Variants in ZNF385D observed in about 807,000 individuals in gnomAD.
The protein encoded by ZNF385D is zinc finger protein 385D.
In ZNF385D, 15 loss-of-function variants were observed where a neutral mutation model predicts 35.8. The observed-to-expected ratio is 0.42, with a 90% CI of 0.28 to 0.64. The LOEUF is 0.64. Among genes scored for constraint, ZNF385D ranks in the 30% least tolerant of loss-of-function variants. The pLI, the probability that ZNF385D is intolerant of heterozygous loss-of-function variation, is 0.23. For missense variants in ZNF385D, 474 were observed against 494.6 expected (o/e 0.96, Z 0.39); for synonymous variants, 212 against 186.8 (o/e 1.13, Z -1.10).
chr3:22,167,725 G>T (rs1392430032), intron 3 of ZNF385D, among the ~76,000 whole-genome samples: 1 of 152,158 alleles, frequency 6.6e-6, no homozygotes, highest in South Asian at 2.1e-4. Context: ...GAAATGTCCT[G>T]TGTCACTAGG....
At chr3:22,039,456 C>T (rs1698533845) in intron 3 of ZNF385D, among the ~76,000 whole-genome samples, 1 of 152,046 alleles carries the variant, frequency 6.6e-6, no homozygotes, top group South Asian at 2.1e-4. Context: ...ATCTTCCTGT[C>T]TCCAGTCTAC....
chr3:22,191,724 T>C (rs1374788454), intron 2 of ZNF385D, among the ~76,000 whole-genome samples: 1 of 152,122 alleles, frequency 6.6e-6, no homozygotes, highest in African/African-American at 2.4e-5. Flanking sequence ...CAGTAATTAA[T>C]GAATAAATGG....
chr3:21,959,276 T>C (rs1485147377), intron 3 of ZNF385D, among the ~76,000 whole-genome samples: 1 of 152,042 alleles, frequency 6.6e-6, no homozygotes, highest in East Asian at 1.9e-4. Context: ...ACACTTCAAA[T>C]AATAAGGCAA....
At chr3:21,783,489 G>T (rs775615893) in intron 3 of ZNF385D, among the ~76,000 whole-genome samples, 4 of 152,006 alleles carry the variant, frequency 2.6e-5, no homozygotes, top group Non-Finnish European at 5.9e-5. Flanking sequence ...TTTTTGGAGA[G>T]ACCTTATTTT....
chr3:22,195,181 G>A (rs1696327063), intron 2 of ZNF385D, among the ~76,000 whole-genome samples: 1 of 151,742 alleles, frequency 6.6e-6, no homozygotes. Flanking sequence ...GGTTTCTAGT[G>A]GAATCACACC....
chr3:22,209,890 A>G (rs951250528), intron 2 of ZNF385D, among the ~76,000 whole-genome samples: 1 of 151,894 alleles, frequency 6.6e-6, no homozygotes, highest in African/African-American at 2.4e-5. Flanking sequence ...ATAAGCATAA[A>G]TATTAATTCT....
At chr3:21,768,966 G>C (rs2070956169) in intron 3 of ZNF385D, among the ~76,000 whole-genome samples, 1 of 151,996 alleles carries the variant, frequency 6.6e-6, no homozygotes, top group Non-Finnish European at 1.5e-5. Flanking sequence ...GAAAGTCACA[G>C]GCTCAGGAAA....
chr3:21,511,847 G>A (rs1390082624), intron 3 of ZNF385D: 3 of 452,568 alleles, frequency 6.6e-6, no homozygotes, highest in Admixed American at 4.8e-5. Context: ...TGGGGGAGCG[G>A]TATAGTGAAA....
chr3:21,716,459 ACC>A (rs2068322293), intron 1 of ZNF385D, among the ~76,000 whole-genome samples: 1 of 151,800 alleles, frequency 6.6e-6, no homozygotes, highest in Non-Finnish European at 1.5e-5. Context: ...ATGTCCCTCC[ACC>A]CATGCTGGCC....
At chr3:22,295,941 C>T (rs1055149494) in intron 2 of ZNF385D, among the ~76,000 whole-genome samples, 5 of 151,886 alleles carry the variant, frequency 3.3e-5, no homozygotes, top group Admixed American at 1.3e-4. Flanking sequence ...AGGAGAAAGT[C>T]GACAAGAATA....
chr3:21,611,261 G>A (rs2064668505), intron 2 of ZNF385D, among the ~76,000 whole-genome samples: 1 of 152,184 alleles, frequency 6.6e-6, no homozygotes, highest in South Asian at 2.1e-4. Flanking sequence ...CCTACCATCT[G>A]TCTGCCACAG....
intron 2 of ZNF385D, among the ~76,000 whole-genome samples, chr3:22,289,446 C>A (rs923388918): frequency 2.0e-5 from 3 of 152,304 alleles, no homozygotes; most frequent in Non-Finnish European, 4.4e-5. Context: ...TAACCAAAAT[C>A]TCATTCAGTC....
chr3:21,937,232 T>C (rs1432392192), intron 3 of ZNF385D, among the ~76,000 whole-genome samples: 2 of 152,072 alleles, frequency 1.3e-5, no homozygotes, highest in East Asian at 3.9e-4. Context: ...AATGTAAGCC[T>C]TAAAAAAATA....
At chr3:21,938,297 G>A (rs1294473458) in intron 3 of ZNF385D, among the ~76,000 whole-genome samples, 1 of 152,166 alleles carries the variant, frequency 6.6e-6, no homozygotes, top group Non-Finnish European at 1.5e-5. Context: ...CGGTGAGCCT[G>A]GCAGATGAGA....
At chr3:22,153,751 T>G (rs555638107) in intron 3 of ZNF385D, among the ~76,000 whole-genome samples, 1 of 152,180 alleles carries the variant, frequency 6.6e-6, no homozygotes, top group African/African-American at 2.4e-5. Flanking sequence ...CCTGAAATTC[T>G]TAACAGATTT....
chr3:21,827,747 C>T (rs572012416), intron 3 of ZNF385D, among the ~76,000 whole-genome samples: 8 of 152,182 alleles, frequency 5.3e-5, no homozygotes, highest in Non-Finnish European at 7.4e-5. Flanking sequence ...TCAGGAATTA[C>T]AGCTCTAGAA....
At chr3:21,746,779 C>T (rs1364408881) in intron 1 of ZNF385D, among the ~76,000 whole-genome samples, 2 of 152,126 alleles carry the variant, frequency 1.3e-5, no homozygotes, top group Non-Finnish European at 2.9e-5. Context: ...CCACTGAAAC[C>T]ACTAAAAAGG....
chr3:21,695,552 A>G (rs2067440352), intron 1 of ZNF385D, among the ~76,000 whole-genome samples: 1 of 152,174 alleles, frequency 6.6e-6, no homozygotes, highest in Non-Finnish European at 1.5e-5. Context: ...AGCTAATGCC[A>G]GGTCTCTTTC....
intron 3 of ZNF385D, among the ~76,000 whole-genome samples, chr3:22,031,535 A>T (rs1204419163): frequency 6.6e-6 from 1 of 152,120 alleles, no homozygotes; most frequent in Non-Finnish European, 1.5e-5. Context: ...CTGGAGTTGG[A>T]GCGGCTGAGA....
Sources: allele counts gnomAD v4.1 joint callset (sites outside exome capture counted in the v4.1 genomes callset), GRCh38; gene constraint gnomAD v4.1.1; transcripts MANE v1.5; gene names NCBI Gene and HGNC (gene_info 2026-07-23, HGNC 2026-07-21).